Variants in CCDC125 observed in about 807,000 individuals in gnomAD.
The protein encoded by CCDC125 is coiled-coil domain-containing protein 125.
In CCDC125, 43 loss-of-function variants were observed where a neutral mutation model predicts 57.4. The observed-to-expected ratio is 0.75, with a 90% confidence interval of 0.59 to 0.97. The LOEUF (loss-of-function observed/expected upper bound fraction) is 0.97. Ranked by LOEUF, CCDC125 falls within the 50% of genes least tolerant of loss-of-function variation. The probability of loss-of-function intolerance (pLI) is 0.00; values close to 1 mark genes in which losing one functional copy is unlikely to be tolerated. For missense variants in CCDC125, 563 were observed against 595.7 expected, an observed-to-expected ratio of 0.95 and a Z score of 0.57; for synonymous variants, 187 against 195.2, an observed-to-expected ratio of 0.96 and a Z score of 0.35.
At position 69,312,991 on chromosome 5, in the gene CCDC125, A is replaced by C. The variant is rs116551907; in HGVS notation, c.366+994T>G. Among the ~76,000 whole-genome samples the C allele has an allele frequency of 3.3e-3, 503 of 152,208 alleles. 1 individual carries two copies. The highest frequency in any genetic ancestry group is 0.012 in the African/African-American group (490 of 41,518). ...AACATTCCATTTATATACAGAACTAAACAGACAAGCACAGAGTCACTATTG... is the reference window on the plus strand; with the variant it reads ...AACATTCCATTTATATACAGAACTACACAGACAAGCACAGAGTCACTATTG... On this transcript the variant is annotated intron_variant, in intron 3 of 11. Coordinates refer to ENST00000396496, the MANE Select transcript of CCDC125 (RefSeq NM_176816.5).
chr5:69,324,525 T>G (rs952742530), intron 1 of CCDC125, among the ~76,000 whole-genome samples: 7 of 152,220 alleles, frequency 4.6e-5, no homozygotes, highest in African/African-American at 1.7e-4. Flanking sequence ...GCATGAATAT[T>G]CATACATCAC....
At chr5:69,330,242 A>G (rs1222060960) in intron 1 of CCDC125, among the ~76,000 whole-genome samples, 1 of 152,034 alleles carries the variant, frequency 6.6e-6, no homozygotes, top group Non-Finnish European at 1.5e-5. Flanking sequence ...TTCTTTTACT[A>G]ATCTTAAATA....
chr5:69,298,177 A>C (rs1041144631), intron 8 of CCDC125, among the ~76,000 whole-genome samples: 1 of 151,702 alleles, frequency 6.6e-6, no homozygotes, highest in Non-Finnish European at 1.5e-5. Flanking sequence ...CACTACGCCC[A>C]GCTAATTTTT....
At chr5:69,310,752 T>C (rs1311538583) in intron 4 of CCDC125, 1 of 157,098 alleles carries the variant, frequency 6.4e-6, no homozygotes, top group Non-Finnish European at 1.4e-5. Context: ...CAGTCACATA[T>C]CTTATGATTC....
intron 3 of CCDC125, among the ~76,000 whole-genome samples, chr5:69,312,428 AG>A (rs765798053): frequency 3.3e-5 from 5 of 152,322 alleles, no homozygotes; most frequent in Non-Finnish European, 7.4e-5. Flanking sequence ...TTTCACGGGA[AG>A]AGTCCCAAAC....
At chr5:69,299,258 C>T (rs1480106889) in intron 8 of CCDC125, among the ~76,000 whole-genome samples, 1 of 152,090 alleles carries the variant, frequency 6.6e-6, no homozygotes, top group East Asian at 1.9e-4. Context: ...TACAGGCGCC[C>T]GCCACCGCGC....
chr5:69,294,857 T>C lies in CCDC125; in HGVS notation c.860A>G (p.Asn287Ser), dbSNP rs1372959419. ...TGCCATTCTGGCACAAGAACAGGGG[T>C]TCCCTCCGGGCCCATGACAAAGGCA... is the stretch of plus-strand genomic sequence containing the variant. ...GACLCHGPGG[N>S]PCSCARMAAS... Residue 287 changes from asparagine to serine, a missense_variant, in exon 9 of 12, where the codon AAC (asparagine) becomes AGC (serine). Physicochemically the swap from Asn to Ser is conservative, Grantham distance 46. Coordinates refer to ENST00000396496, the MANE Select transcript of CCDC125 (RefSeq NM_176816.5). 6.2e-7 allele frequency: 1 copy of C among 1,613,970 alleles called. No homozygotes were observed. The highest frequency in any genetic ancestry group is 1.3e-5 in the African/African-American group (1 of 74,902).
intron 1 of CCDC125, 73 bp from the exon 2 acceptor site, chr5:69,320,653 A>T: frequency 1.5e-6 from 1 of 668,756 alleles, no homozygotes; most frequent in Non-Finnish European, 2.6e-6. Context: ...TATTTACCCA[A>T]AACATTTGAA....
rs1156687838 is a variant in CCDC125, at chr5:69,313,400, T to C, written c.366+585A>G. On this transcript the variant is annotated intron_variant, in intron 3 of 11. Transcript: ENST00000396496. ...AAAGGCTTGCCCTCCAGGGAGATGA[T>C]GGCACTGCCCCCCAGCTTCTCTGCC... The C allele has an allele frequency of 2.6e-6, 4 of 1,521,012 alleles. No individual in the cohort carries two copies. The African/African-American group carries it at 4.1e-5, about 16-fold the overall frequency. The allele number at this position is 1,521,012 out of a possible 1,614,324, so 94.2% of individuals were successfully genotyped here.
In CCDC125 at chr5:69,291,688, A is replaced by C. The variant is rs1470890828; in HGVS notation, c.1099+500T>G. 2.0e-5 allele frequency among the ~76,000 whole-genome samples: 3 copies of C among 152,302 alleles called. No individual in the cohort carries two copies. In the East Asian group the frequency reaches 5.8e-4, roughly 29 times the overall value. ...AATTTTTGATGGGTTCGTGAACCAAAACCTAAACCTAAACTTCTGCTTCAT... is the reference window on the plus strand; with the variant it reads ...AATTTTTGATGGGTTCGTGAACCAACACCTAAACCTAAACTTCTGCTTCAT... On this transcript the variant is annotated intron_variant, in intron 10 of 11. Transcript: ENST00000396496.
chr5:69,275,408 A>G (rs1328356786), downstream of CCDC125, among the ~76,000 whole-genome samples: 1 of 152,122 alleles, frequency 6.6e-6, no homozygotes, highest in Admixed American at 6.6e-5. Flanking sequence ...GCCAACTTGT[A>G]AGTTCTTTTT....
the CCDC125 span, chr5:69,273,180 T>G: frequency 4.9e-6 from 3 of 609,368 alleles, no homozygotes; most frequent in Non-Finnish European, 8.1e-6. Flanking sequence ...TAACAAACTT[T>G]GTATCTTTTC....
At chr5:69,301,498 G>T (rs1473507211) in intron 7 of CCDC125, among the ~76,000 whole-genome samples, 1 of 151,968 alleles carries the variant, frequency 6.6e-6, no homozygotes, top group African/African-American at 2.4e-5. Context: ...ACTTTGGGAG[G>T]CCAAGGCGAG....
chr5:69,275,788 A>G (rs1317639748), downstream of CCDC125, among the ~76,000 whole-genome samples: 3 of 152,192 alleles, frequency 2.0e-5, no homozygotes, highest in Non-Finnish European at 4.4e-5. Context: ...AGCCTGGCCA[A>G]TATAGCAAGA....
At chr5:69,296,178 G>A (rs898667447) in intron 8 of CCDC125, among the ~76,000 whole-genome samples, 6 of 150,470 alleles carry the variant, frequency 4.0e-5, no homozygotes, top group African/African-American at 1.2e-4. Context: ...CATCGCACCC[G>A]GCCTAAAACA....
chr5:69,292,044 T>G, intron 10 of CCDC125, 144 bp downstream of exon 10: 3 of 700,988 alleles, frequency 4.3e-6, no homozygotes, highest in Non-Finnish European at 6.9e-6. Flanking sequence ...TTTCCATAGT[T>G]GCTAAGTTTT....
At chr5:69,317,388 T>C (rs1192520754) in intron 2 of CCDC125, among the ~76,000 whole-genome samples, 2 of 152,184 alleles carry the variant, frequency 1.3e-5, no homozygotes, top group Non-Finnish European at 2.9e-5. Flanking sequence ...CCATTCTCTA[T>C]ACACAATAAG....
chr5:69,316,563 T>C (rs1759139257), intron 2 of CCDC125, among the ~76,000 whole-genome samples: 1 of 152,138 alleles, frequency 6.6e-6, no homozygotes, highest in African/African-American at 2.4e-5. Context: ...TGAAATTTAT[T>C]TGGGACTTTT....
chr5:69,322,865 AT>A (rs1042695325), intron 1 of CCDC125, among the ~76,000 whole-genome samples: 5 of 151,080 alleles, frequency 3.3e-5, no homozygotes, highest in African/African-American at 4.9e-5. Context: ...TGGCCCAAAA[AT>A]TTTTTTTTAA....
Sources: allele counts gnomAD v4.1 joint callset (sites outside exome capture counted in the v4.1 genomes callset), GRCh38; gene constraint gnomAD v4.1.1; transcripts MANE v1.5; gene names NCBI Gene and HGNC (gene_info 2026-07-23, HGNC 2026-07-21).